DSG4: variants seen among roughly 807,000 people sequenced by gnomAD.
DSG4 encodes the protein desmoglein 4, also known as desmoglein-4.
DSG4 carries 87 observed loss-of-function variants against 93.1 expected under a neutral mutation model. The observed-to-expected ratio is 0.93, with a 90% CI of 0.79 to 1.12. The LOEUF is 1.12. DSG4 is among the 50% of genes most tolerant of loss of function. The pLI is 0.00. For synonymous variants in DSG4, 432 were observed against 452.9 expected (o/e 0.95, Z 0.59); for missense variants, 1,373 against 1,285.7 (o/e 1.07, Z -1.04).
chr18:31,402,672 G>A (rs1255324108), intron 10 of DSG4, among the ~76,000 whole-genome samples: 1 of 148,874 alleles, frequency 6.7e-6, no homozygotes. Context: ...GTTTAAAAGC[G>A]AGAAAGCTAA....
Position 31,413,430 on chromosome 18 carries a change from T to C in DSG4, c.2958T>C (p.Cys986=). The change falls in exon 16 of 16, where the codon TGT becomes TGC. Residue 986 remains cysteine (C), a synonymous_variant. Coordinates refer to ENST00000308128, the MANE Select transcript of DSG4 (RefSeq NM_177986.5). ...GCAATAGTAGCACGACTGAGGGTTG[T>C]ATGGGACCTGTGATGAGCGGCAATA... ...DMSNSSTTEG[C]MGPVMSGNIL... 6.2e-7 allele frequency: 1 copy of C among 1,613,504 alleles called. No individual in the cohort carries two copies. The highest frequency in any genetic ancestry group is 8.5e-7 in the Non-Finnish European group (1 of 1,179,466).
chr18:31,400,780 A>G (rs2072356150), intron 9 of DSG4, 101 bp from the exon 10 acceptor site: 2 of 1,268,182 alleles, frequency 1.6e-6, no homozygotes, highest in Admixed American at 1.9e-5. Flanking sequence ...TATAAAACAT[A>G]AAAACACAAT....
In DSG4 at chr18:31,385,153, CAG is replaced by C; in HGVS notation, c.67_68del (p.Ser23Ter). 6.3e-7 allele frequency: 1 copy of C among 1,597,976 alleles called. No homozygotes were observed. Among genetic ancestry groups the C allele is most frequent in the Non-Finnish European group, 8.5e-7 (1 of 1,170,034 alleles). ...IILMVVMEVN[S>X]EFIVEVKEFD... is the part of the protein sequence containing the mutation. Reference sequence around the variant, plus strand: ...CAAAACAGGTGGTGATGGAAGTAAACAGTGAATTTATTGTTGAGGTAATGTAA... The same window carrying C: ...CAAAACAGGTGGTGATGGAAGTAAACTGAATTTATTGTTGAGGTAATGTAA... On this transcript the variant is annotated frameshift_variant, in exon 2 of 16. Transcript: ENST00000308128. LOFTEE classifies it high-confidence loss of function.
At position 31,414,788 on chromosome 18, in the gene DSG4, A is replaced by C. The variant is rs959706604; in HGVS notation, c.*1193A>C. 1 of 152,236 alleles carries C rather than the reference A, an allele frequency of 6.6e-6. No individual in the cohort carries two copies. Among genetic ancestry groups the C allele is most frequent in the Non-Finnish European group, 1.5e-5 (1 of 68,038 alleles). 9.4% of individuals were successfully genotyped at this position (152,236 alleles called of 1,614,324 possible). On this transcript the variant is annotated 3_prime_UTR_variant, in exon 16 of 16. Transcript: ENST00000308128. ...GCATAAAGCTGACTTGAGAAAAAGA[A>C]TCTCTAGCCAGGTAATTTTACTTAA...
chr18:31,393,688 TATC>T (rs1414045544), intron 8 of DSG4, among the ~76,000 whole-genome samples: 4 of 152,176 alleles, frequency 2.6e-5, no homozygotes, highest in Admixed American at 1.3e-4. Flanking sequence ...ATCCAAACCA[TATC>T]ATCAAGTTAC....
At chr18:31,408,058 G>A (rs1465059378) in intron 12 of DSG4, among the ~76,000 whole-genome samples, 3 of 152,132 alleles carry the variant, frequency 2.0e-5, no homozygotes, top group African/African-American at 7.2e-5. Flanking sequence ...TTCAACTGAT[G>A]GATTGTAGAA....
intron 15 of DSG4, 29 bp downstream of exon 15, chr18:31,411,477 C>A: frequency 1.2e-6 from 2 of 1,608,264 alleles, no homozygotes; most frequent in South Asian, 2.2e-5. Flanking sequence ...CACATAAAAT[C>A]GTCTTGAGAT....
In DSG4 at chr18:31,413,285, C is replaced by G; in HGVS notation, c.2813C>G (p.Ala938Gly). 2 of 1,614,112 alleles carry G rather than the reference C, an allele frequency of 1.2e-6. No individual in the cohort carries two copies. The highest frequency in any genetic ancestry group is 1.3e-5 in the African/African-American group (1 of 75,030). Residue 938 changes from alanine to glycine, a missense_variant, in exon 16 of 16, where the codon GCA (alanine) becomes GGA (glycine). Physicochemically the swap from Ala to Gly is moderately conservative, Grantham distance 60. Transcript: ENST00000308128. ...QLAPNVVVTE[A>G]VMAPVYDIQG... ...GCACCCAATGTTGTAGTAACCGAAG[C>G]AGTAATGGCACCTGTCTATGATATT...
intron 1 of DSG4, among the ~76,000 whole-genome samples, chr18:31,381,972 T>A (rs10853411): frequency 0.62 from 94,430 of 151,538 alleles, 30,750 homozygotes; most frequent in East Asian, 0.84. Flanking sequence ...CCCAGCCAAA[T>A]AGTAGTATCT....
chr18:31,392,356 C>A lies in DSG4; in HGVS notation c.1005+16C>A. The A allele has an allele frequency of 6.2e-7, 1 of 1,612,484 alleles. No individual in the cohort carries two copies. The highest frequency in any genetic ancestry group is 1.1e-5 in the South Asian group (1 of 90,956). On this transcript the variant is annotated intron_variant, in intron 8 of 15. Transcript: ENST00000308128. ...AGTTGTCAAGGTACAGTATAAGGAT[C>A]TGCAATATTTTCTTCCAAAATATTT...
chr18:31,385,352 T>C (rs2072176416), intron 2 of DSG4, among the ~76,000 whole-genome samples, 181 bp downstream of exon 2: 1 of 152,182 alleles, frequency 6.6e-6, no homozygotes, highest in South Asian at 2.1e-4. Flanking sequence ...TCTATGCATT[T>C]AGGGCATGTG....
At position 31,413,607 on chromosome 18, in the gene DSG4, T is replaced by C; in HGVS notation, c.*12T>C. 1 of 1,611,734 alleles carries C rather than the reference T, an allele frequency of 6.2e-7. No individual in the cohort carries two copies. ...ACACCCAACAGTAAGTGCTTTATGGTCAGTATTCTATGTGGAGACCTTGCA... is the reference window on the plus strand; with the variant it reads ...ACACCCAACAGTAAGTGCTTTATGGCCAGTATTCTATGTGGAGACCTTGCA... On this transcript the variant is annotated 3_prime_UTR_variant, in exon 16 of 16. Transcript: ENST00000308128.
chr18:31,407,863 CT>C (rs1244634466), intron 12 of DSG4, among the ~76,000 whole-genome samples: 1 of 152,158 alleles, frequency 6.6e-6, no homozygotes, highest in Non-Finnish European at 1.5e-5. Context: ...AGTTAAAGGT[CT>C]TCCAAAATTA....
At position 31,391,193 on chromosome 18, in the gene DSG4, C is replaced by G. The variant is rs267606776; in HGVS notation, c.800C>G (p.Pro267Arg). 1.9e-6 allele frequency: 3 copies of G among 1,613,544 alleles called. No homozygotes were observed. Among genetic ancestry groups the G allele is most frequent in the Middle Eastern group, 1.7e-4 (1 of 6,058 alleles). Residue 267 changes from proline (P) to arginine (R), a missense_variant, in exon 7 of 16, where the codon CCC becomes CGC. Physicochemically the swap from Pro to Arg is moderately radical, Grantham distance 103 (BLOSUM62 -2). Transcript: ENST00000308128. The part of the protein sequence containing the change: ...IKVLDVNDNF[P>R]TLEKTSYSAS... ...GTTTTAGACGTCAACGATAATTTCC[C>G]CACCTTAGAGAAAACTTCAGTAAGT...
rs13381457 is a variant in DSG4, at chr18:31,388,961, G to A, written c.460G>A (p.Ala154Thr). The A allele has an allele frequency of 1.0e-3, 1,635 of 1,613,476 alleles. 14 individuals are homozygous for A. The African/African-American group carries it at 0.019, about 19-fold the overall frequency. The change falls in exon 5 of 16, where the codon GCT (alanine) becomes ACT (threonine). Residue 154 changes from alanine to threonine, a missense_variant. By Grantham distance (58) the Ala-to-Thr change is moderately conservative. Coordinates refer to ENST00000308128, the MANE Select transcript of DSG4 (RefSeq NM_177986.5). ...CAAAGTTATGGACATAAATGATAAC[G>A]CTCCAGTCTTTTCGCAAAGTGTATA... Reference protein sequence around the residue: ...RVKVMDINDNAPVFSQSVYTA... With the variant: ...RVKVMDINDNTPVFSQSVYTA...
rs1366231964 is a variant in DSG4 at position 31,411,343 on chromosome 18, A to G, written c.2250A>G (p.Ala750=). The change falls in exon 15 of 16, where the codon GCA becomes GCG. Residue 750 remains alanine, a synonymous_variant. Coordinates refer to ENST00000308128, the MANE Select transcript of DSG4 (RefSeq NM_177986.5). ...TAVGLMAAGA[A]GASGAARKRS... ...TTGGCCTCATGGCCGCAGGGGCCGC[A>G]GGAGCCTCAGGGGCCGCAAGGAAGA... The G allele has an allele frequency of 8.1e-6, 13 of 1,610,958 alleles. No homozygotes were observed. The highest frequency in any genetic ancestry group is 6.6e-5 in the South Asian group (6 of 91,082).
rs374710829 is a variant in DSG4, at chr18:31,406,208, G to A, written c.1768G>A (p.Asp590Asn). 33 of 1,614,000 alleles carry A rather than the reference G, an allele frequency of 2.0e-5. No homozygotes were observed. Among genetic ancestry groups the A allele is most frequent in the South Asian group, 4.4e-5 (4 of 91,084 alleles). The change falls in exon 12 of 16, where the codon GAT (aspartate) becomes AAT (asparagine). Residue 590 changes from aspartate (D) to asparagine (N), a missense_variant. Asp to Asn is a conservative substitution (Grantham distance 23). Coordinates refer to ENST00000308128, the MANE Select transcript of DSG4 (RefSeq NM_177986.5). ...GGTGCAGTTATATGCCTGTGATTGC[G>A]ATGACAACCACATGTGCCTGGACTC... ...QMVQLYACDC[D>N]DNHMCLDSGA...
intron 14 of DSG4, among the ~76,000 whole-genome samples, chr18:31,410,347 A>C (rs1048763620): frequency 2.7e-5 from 4 of 149,782 alleles, no homozygotes; most frequent in Admixed American, 6.6e-5. Context: ...TATGTAATAT[A>C]TAATACATAC....
Position 31,413,519 on chromosome 18 carries a change from C to T in DSG4, c.3047C>T (p.Thr1016Ile), listed in dbSNP as rs752645335. 2.5e-6 allele frequency: 4 copies of T among 1,614,002 alleles called. No individual in the cohort carries two copies. The highest frequency in any genetic ancestry group is 3.4e-6 in the Non-Finnish European group (4 of 1,179,982). Residue 1016 changes from threonine (T) to isoleucine (I), a missense_variant, in exon 16 of 16, where the codon ACC becomes ATC. By Grantham distance (89) the Thr-to-Ile change is moderately conservative. Coordinates refer to ENST00000308128, the MANE Select transcript of DSG4 (RefSeq NM_177986.5). ...AGTCCAGACCTTCCCATAGGCCAAACCGTTGGCTCCACATCCCCCATGACA... is the reference window on the plus strand; with the variant it reads ...AGTCCAGACCTTCCCATAGGCCAAATCGTTGGCTCCACATCCCCCATGACA... The part of the protein sequence containing the change: ...MMSPDLPIGQ[T>I]VGSTSPMTSR...
Sources: gnomAD v4.1 joint callset for allele counts (sites outside exome capture counted in the v4.1 genomes callset) on GRCh38, gnomAD v4.1.1 for gene constraint, MANE v1.5 for transcripts, NCBI Gene and HGNC (gene_info 2026-07-23, HGNC 2026-07-21) for gene names.